DLGAP1: variants seen among roughly 807,000 people sequenced by gnomAD.
DLGAP1 encodes disks large-associated protein 1.
Under a neutral mutation model 90.8 loss-of-function variants are expected in DLGAP1, and 11 were observed. That is an observed-to-expected ratio of 0.12 (90% CI 0.08 to 0.20). The LOEUF (loss-of-function observed/expected upper bound fraction) is 0.20, where lower values mean the gene tolerates loss of function less well. Ranked by LOEUF, DLGAP1 falls within the 10% of genes least tolerant of loss-of-function variation. DLGAP1 has a pLI of 1.00. For synonymous variants in DLGAP1, 558 were observed against 540.7 expected, an observed-to-expected ratio of 1.03 and a Z score of -0.44; for missense variants, 1,050 against 1,333.8, an observed-to-expected ratio of 0.79 and a Z score of 3.31.
intron 1 of DLGAP1, among the ~76,000 whole-genome samples, chr18:4,397,055 G>A (rs1341335856): frequency 6.6e-6 from 1 of 152,194 alleles, no homozygotes; most frequent in Non-Finnish European, 1.5e-5. Context: ...CACTAGCTAT[G>A]CAACCAAGGC....
chr18:4,215,436 G>C (rs1350771362), intron 1 of DLGAP1, among the ~76,000 whole-genome samples: 1 of 152,150 alleles, frequency 6.6e-6, no homozygotes, highest in Non-Finnish European at 1.5e-5. Flanking sequence ...GGGACGAGCA[G>C]AGTCTCATTC....
At chr18:3,542,411 TC>T (rs2052743800) in intron 9 of DLGAP1, among the ~76,000 whole-genome samples, 1 of 152,224 alleles carries the variant, frequency 6.6e-6, no homozygotes, top group Non-Finnish European at 1.5e-5. Flanking sequence ...TAGTTTGCCA[TC>T]CCTTTTTCTA....
intron 1 of DLGAP1, among the ~76,000 whole-genome samples, chr18:4,233,800 A>G (rs1264676613): frequency 6.6e-6 from 1 of 152,218 alleles, no homozygotes; most frequent in African/African-American, 2.4e-5. Context: ...GGAAACAGAT[A>G]ACATCACAGG....
intron 10 of DLGAP1, among the ~76,000 whole-genome samples, chr18:3,528,464 C>T (rs946774566): frequency 4.6e-5 from 7 of 152,148 alleles, no homozygotes; most frequent in Non-Finnish European, 1.0e-4. Context: ...ATCTGCATGG[C>T]GGGCTTTAAG....
At chr18:3,736,128 C>T (rs943125507) in intron 6 of DLGAP1, among the ~76,000 whole-genome samples, 28 of 152,140 alleles carry the variant, frequency 1.8e-4, no homozygotes, top group African/African-American at 6.3e-4. Flanking sequence ...AATATGTCTG[C>T]GGGCTTCTAG....
At chr18:4,040,404 A>G (rs2074956678) in intron 2 of DLGAP1, among the ~76,000 whole-genome samples, 1 of 152,256 alleles carries the variant, frequency 6.6e-6, no homozygotes. Flanking sequence ...GATAAATAGA[A>G]GTTTACTTAA....
intron 2 of DLGAP1, among the ~76,000 whole-genome samples, chr18:4,093,653 A>G (rs932447156): frequency 5.3e-5 from 8 of 152,190 alleles, no homozygotes; most frequent in Non-Finnish European, 1.0e-4. Flanking sequence ...GGAAAACTCT[A>G]TAGTAGCAGA....
intron 1 of DLGAP1, among the ~76,000 whole-genome samples, chr18:4,320,083 T>G (rs2143580121): frequency 6.6e-6 from 1 of 152,264 alleles, no homozygotes; most frequent in Admixed American, 6.5e-5. Flanking sequence ...TTCAGAAAGG[T>G]AATGAGAGCA....
intron 9 of DLGAP1, among the ~76,000 whole-genome samples, chr18:3,556,088 G>GT (rs1029246334): frequency 2.6e-5 from 4 of 152,160 alleles, no homozygotes; most frequent in African/African-American, 9.7e-5. Context: ...ACACACTGAG[G>GT]TTAATGCTAT....
chr18:3,876,702 T>C (rs532773882), intron 4 of DLGAP1, among the ~76,000 whole-genome samples: 3 of 152,336 alleles, frequency 2.0e-5, no homozygotes, highest in East Asian at 1.9e-4. Flanking sequence ...GGGTGATGTA[T>C]ACATGGGTGT....
chr18:3,839,626 G>T (rs2068598012), intron 4 of DLGAP1, among the ~76,000 whole-genome samples: 1 of 152,134 alleles, frequency 6.6e-6, no homozygotes, highest in Admixed American at 6.5e-5. Context: ...GGCCTCTCAG[G>T]GTACTGCTAG....
At chr18:3,555,048 A>C (rs2053672690) in intron 9 of DLGAP1, among the ~76,000 whole-genome samples, 1 of 152,148 alleles carries the variant, frequency 6.6e-6, no homozygotes, top group Non-Finnish European at 1.5e-5. Flanking sequence ...AGATAATTAA[A>C]AAAAAAATAC....
intron 2 of DLGAP1, among the ~76,000 whole-genome samples, chr18:4,102,872 C>T (rs1406211993): frequency 6.6e-6 from 1 of 151,946 alleles, no homozygotes; most frequent in Middle Eastern, 3.2e-3. Flanking sequence ...TAACTTTATT[C>T]TTTGTGTTAG....
intron 1 of DLGAP1, among the ~76,000 whole-genome samples, chr18:4,298,478 A>G (rs1019644964): frequency 1.3e-5 from 2 of 152,238 alleles, no homozygotes; most frequent in African/African-American, 4.8e-5. Context: ...TTGTAGGGAC[A>G]TGGATGAAAT....
chr18:4,340,635 A>G (rs1238116025), intron 1 of DLGAP1, among the ~76,000 whole-genome samples: 2 of 152,122 alleles, frequency 1.3e-5, no homozygotes, highest in Non-Finnish European at 1.5e-5. Context: ...AACCCAAAAA[A>G]CTATAGTTGA....
intron 2 of DLGAP1, among the ~76,000 whole-genome samples, chr18:4,026,343 G>A (rs919754551): frequency 4.6e-5 from 7 of 152,120 alleles, no homozygotes; most frequent in East Asian, 1.9e-4. Context: ...CATTCTGAGC[G>A]GGAAGCAAGA....
intron 7 of DLGAP1, among the ~76,000 whole-genome samples, chr18:3,664,263 CTGA>C (rs2059802189): frequency 1.5e-5 from 2 of 134,452 alleles, no homozygotes; most frequent in African/African-American, 7.8e-5. Flanking sequence ...CTGGAGAACT[CTGA>C]CTAATACACC....
intron 7 of DLGAP1, among the ~76,000 whole-genome samples, chr18:3,655,018 CCTA>C (rs10609294): frequency 0.35 from 52,409 of 151,600 alleles, 10,895 homozygotes; most frequent in African/African-American, 0.6. Flanking sequence ...ACATAACTGA[CCTA>C]CTACTCTCCC....
At chr18:3,858,949 T>G (rs1315520030) in intron 4 of DLGAP1, among the ~76,000 whole-genome samples, 1 of 152,244 alleles carries the variant, frequency 6.6e-6, no homozygotes, top group Non-Finnish European at 1.5e-5. Flanking sequence ...AGAACTTTCA[T>G]GCTTCAGAGC....
Sources: gnomAD v4.1 joint callset for allele counts (sites outside exome capture counted in the v4.1 genomes callset) on GRCh38, gnomAD v4.1.1 for gene constraint, MANE v1.5 for transcripts, NCBI Gene and HGNC (gene_info 2026-07-23, HGNC 2026-07-21) for gene names.